The following OTULINL variants were observed in gnomAD, a reference collection of about 807,000 sequenced individuals.
OTULINL encodes the protein inactive ubiquitin thioesterase OTULINL.
Under a neutral mutation model 43.9 loss-of-function variants are expected in OTULINL, and 42 were observed. The ratio of observed to expected loss-of-function variants is 0.96; its 90% CI spans 0.75 to 1.24. The LOEUF is 1.24. Ranked by LOEUF, OTULINL falls within the 50% of genes most tolerant of loss-of-function variation. OTULINL has a pLI of 0.00. For missense variants in OTULINL, 411 were observed against 426.4 expected, an observed-to-expected ratio of 0.96 and a Z score of 0.32; for synonymous variants, 172 against 153.6, an observed-to-expected ratio of 1.12 and a Z score of -0.88.
At chr5:14,606,345 C>T (rs1287286403) in intron 5 of OTULINL, among the ~76,000 whole-genome samples, 1 of 152,196 alleles carries the variant, frequency 6.6e-6, no homozygotes, top group African/African-American at 2.4e-5. Flanking sequence ...TCCCACAACA[C>T]ATGGGAATTC....
At position 14,586,629 on chromosome 5, in the gene OTULINL, A is replaced by G. The variant is rs117652736; in HGVS notation, c.64+4671A>G. On this transcript the variant is annotated intron_variant, in intron 1 of 7. Coordinates refer to ENST00000274217, the MANE Select transcript of OTULINL (RefSeq NM_019018.3). ...ATTGGATAGACACAAAGTTACCTAA[A>G]ATACCTCAGCTCTTTCTCCTCTTGC... Among the ~76,000 whole-genome samples the G allele has an allele frequency of 5.2e-4, 79 of 152,348 alleles. 1 individual carries two copies. The East Asian group carries it at 0.015, about 29-fold the overall frequency.
At chr5:14,594,157 C>T (rs1476505913) in intron 1 of OTULINL, among the ~76,000 whole-genome samples, 2 of 152,140 alleles carry the variant, frequency 1.3e-5, no homozygotes. Context: ...ACCAACTAAT[C>T]TATGATTTTG....
chr5:14,606,745 C>A (rs1759487768), intron 5 of OTULINL, among the ~76,000 whole-genome samples: 2 of 152,082 alleles, frequency 1.3e-5, no homozygotes, highest in South Asian at 4.1e-4. Context: ...AAAATAATTT[C>A]TAAAGGGCTA....
Position 14,591,763 on chromosome 5 carries a change from T to TC in OTULINL, c.65-9201dup, listed in dbSNP as rs79993579. On this transcript the variant is annotated intron_variant, in intron 1 of 7. Transcript: ENST00000274217. ...GGTTGTTTGTAGCTGTGCAGTACAA[T>TC]CACAGGCTGCATTGCTGTGAATGTA... 3.9e-5 allele frequency among the ~76,000 whole-genome samples: 6 copies of TC among 152,178 alleles called. No individual in the cohort carries two copies. In the East Asian group the frequency reaches 1.2e-3, roughly 29 times the overall value.
In OTULINL at chr5:14,613,823, C is replaced by CCAGG. The variant is rs1034897057; in HGVS notation, c.*3510_*3513dup. 6.6e-6 allele frequency among the ~76,000 whole-genome samples: 1 copy of CCAGG among 152,106 alleles called. No homozygotes were observed. Among genetic ancestry groups the CCAGG allele is most frequent in the African/African-American group, 2.4e-5 (1 of 41,408 alleles). ...CTCAACCTCCATGAGAGAAGAGCAGCCAGGATCAGGGGGCATTAACGTTAA... is the reference window on the plus strand; with the variant it reads ...CTCAACCTCCATGAGAGAAGAGCAGCCAGGCAGGATCAGGGGGCATTAACGTTAA... On this transcript the variant is annotated 3_prime_UTR_variant, in exon 8 of 8. Coordinates refer to ENST00000274217, the MANE Select transcript of OTULINL (RefSeq NM_019018.3).
At chr5:14,604,679 A>G (rs1441051124) in intron 5 of OTULINL, among the ~76,000 whole-genome samples, 1 of 152,224 alleles carries the variant, frequency 6.6e-6, no homozygotes, top group African/African-American at 2.4e-5. Flanking sequence ...TCCAAATGGG[A>G]GAAATTGGCC....
At chr5:14,582,019 G>A in intron 1 of OTULINL, 61 bp downstream of exon 1, 2 of 1,154,922 alleles carry the variant, frequency 1.7e-6, no homozygotes, top group Non-Finnish European at 2.2e-6. Context: ...CAAGGCGGGC[G>A]GGGTCGCAGG....
chr5:14,593,261 G>C (rs1434735907), intron 1 of OTULINL, among the ~76,000 whole-genome samples: 2 of 152,244 alleles, frequency 1.3e-5, no homozygotes, highest in African/African-American at 4.8e-5. Flanking sequence ...CAGCCGAGAG[G>C]TATGTAAGCA....
In OTULINL at chr5:14,588,420, A is replaced by G. The variant is rs116703529; in HGVS notation, c.64+6462A>G. Among the ~76,000 whole-genome samples the G allele has an allele frequency of 2.4e-3, 366 of 152,066 alleles. 1 individual carries two copies. The highest frequency in any genetic ancestry group is 0.01 in the Middle Eastern group (3 of 294). ...CATTTCACTACCTTGAAACCATCCT[A>G]CTAGATGACCACTTCACATTCTCAC... is the stretch of plus-strand genomic sequence containing the variant. On this transcript the variant is annotated intron_variant, in intron 1 of 7. Coordinates refer to ENST00000274217, the MANE Select transcript of OTULINL (RefSeq NM_019018.3).
In OTULINL at chr5:14,607,472, G is replaced by A; in HGVS notation, c.627+14G>A. 1 of 1,612,732 alleles carries A rather than the reference G, an allele frequency of 6.2e-7. No homozygotes were observed. Among genetic ancestry groups the A allele is most frequent in the Non-Finnish European group, 8.5e-7 (1 of 1,179,514 alleles). On this transcript the variant is annotated intron_variant, in intron 6 of 7. Transcript: ENST00000274217. The stretch of plus-strand genomic sequence containing the variant: ...TTGAAAACACAGGTAAGTGTTTGCG[G>A]GGGAAATAAAAAGACTAGGAATAAA...
At chr5:14,599,358 C>T (rs570127367) in intron 1 of OTULINL, among the ~76,000 whole-genome samples, 3 of 152,156 alleles carry the variant, frequency 2.0e-5, no homozygotes, top group African/African-American at 7.2e-5. Flanking sequence ...CATGGTGGTG[C>T]ATGCCTGTAA....
chr5:14,601,526 A>T, intron 4 of OTULINL, 84 bp downstream of exon 4: 2 of 1,208,664 alleles, frequency 1.7e-6, no homozygotes, highest in Non-Finnish European at 2.4e-6. Context: ...GCTTTACTAA[A>T]TCCAGATATC....
In OTULINL at chr5:14,581,917, C is replaced by T. The variant is rs755108657; in HGVS notation, c.23C>T (p.Thr8Met). The change falls in exon 1 of 8, where the codon ACG becomes ATG. Residue 8 changes from threonine to methionine, a missense_variant. Coordinates refer to ENST00000274217, the MANE Select transcript of OTULINL (RefSeq NM_019018.3). MAATRSP[T>M]RARERERSGA... Reference sequence around the variant, plus strand: ...GGCATGGCGGCGACAAGGAGCCCCACGCGGGCAAGGGAGCGGGAGCGGTCT... The same window carrying T: ...GGCATGGCGGCGACAAGGAGCCCCATGCGGGCAAGGGAGCGGGAGCGGTCT... The T allele has an allele frequency of 5.0e-5, 70 of 1,410,754 alleles. No individual in the cohort carries two copies. Among genetic ancestry groups the T allele is most frequent in the African/African-American group, 1.2e-4 (8 of 66,704 alleles). 87.4% of individuals were successfully genotyped at this position (1,410,754 alleles called of 1,614,324 possible).
chr5:14,615,974 A>G lies in OTULINL; in HGVS notation c.*5660A>G, dbSNP rs919652361. On this transcript the variant is annotated 3_prime_UTR_variant, in exon 8 of 8. Coordinates refer to ENST00000274217, the MANE Select transcript of OTULINL (RefSeq NM_019018.3). ...TAAAGTAGCTTTTTCCTTTTGAAAC[A>G]TCATTGTAAAACAGTGCTTTTTAAA... is the stretch of plus-strand genomic sequence containing the variant. Among the ~76,000 whole-genome samples the G allele has an allele frequency of 6.6e-6, 1 of 152,260 alleles. No individual in the cohort carries two copies. The highest frequency in any genetic ancestry group is 2.4e-5 in the African/African-American group (1 of 41,476).
chr5:14,591,239 A>G (rs779012110), intron 1 of OTULINL, among the ~76,000 whole-genome samples: 5 of 152,350 alleles, frequency 3.3e-5, no homozygotes, highest in Non-Finnish European at 7.3e-5. Context: ...GAACTGGCCC[A>G]CATGATCTGG....
intron 1 of OTULINL, among the ~76,000 whole-genome samples, chr5:14,592,358 G>C (rs1228784851): frequency 6.6e-6 from 1 of 152,202 alleles, no homozygotes; most frequent in Admixed American, 6.5e-5. Flanking sequence ...GAACTTCGAA[G>C]AGAATTACTC....
chr5:14,609,364 A>G (rs1178086915), intron 7 of OTULINL, among the ~76,000 whole-genome samples: 2 of 152,220 alleles, frequency 1.3e-5, no homozygotes, highest in African/African-American at 4.8e-5. Context: ...TTGGTTACCT[A>G]TTGCAGATAA....
chr5:14,582,897 G>A (rs152621), intron 1 of OTULINL, among the ~76,000 whole-genome samples: 37,375 of 150,756 alleles, frequency 0.25, 6,002 homozygotes, highest in African/African-American at 0.46. Context: ...GGGTCTCGAC[G>A]TCTCCACCCG....
chr5:14,589,873 C>T (rs1013383346), intron 1 of OTULINL, among the ~76,000 whole-genome samples: 24 of 152,226 alleles, frequency 1.6e-4, no homozygotes, highest in African/African-American at 5.5e-4. Flanking sequence ...CTCACTTGAA[C>T]TTTGGAGGCA....
Sources: gnomAD v4.1 joint callset for allele counts (sites outside exome capture counted in the v4.1 genomes callset) on GRCh38, gnomAD v4.1.1 for gene constraint, MANE v1.5 for transcripts, NCBI Gene and HGNC (gene_info 2026-07-23, HGNC 2026-07-21) for gene names.